The following CHST11 variants were observed in gnomAD, a reference collection of about 807,000 sequenced individuals.
CHST11 encodes carbohydrate sulfotransferase 11.
A neutral mutation model predicts 30.4 loss-of-function variants in CHST11; 9 were observed. The ratio of observed to expected loss-of-function variants is 0.30; its 90% CI spans 0.18 to 0.52. The LOEUF (loss-of-function observed/expected upper bound fraction) is 0.52, where lower values mean the gene tolerates loss of function less well. Among genes scored for constraint, CHST11 ranks in the 20% least tolerant of loss-of-function variants. The pLI is 0.97. For synonymous variants in CHST11, 152 were observed against 187.8 expected, an observed-to-expected ratio of 0.81 and a Z score of 1.56; for missense variants, 348 against 460.6, an observed-to-expected ratio of 0.76 and a Z score of 2.24.
At chr12:104,574,327 G>GA (rs1461070079) in intron 1 of CHST11, among the ~76,000 whole-genome samples, 1 of 152,076 alleles carries the variant, frequency 6.6e-6, no homozygotes, top group Non-Finnish European at 1.5e-5. Context: ...TCTAGAACTA[G>GA]AAATACCATT....
At chr12:104,512,795 C>T (rs2037978151) in intron 1 of CHST11, among the ~76,000 whole-genome samples, 1 of 151,982 alleles carries the variant, frequency 6.6e-6, no homozygotes. Flanking sequence ...CAAATACTAC[C>T]AATGTGATGG....
chr12:104,634,273 G>A (rs1186058806), intron 2 of CHST11, among the ~76,000 whole-genome samples: 1 of 152,144 alleles, frequency 6.6e-6, no homozygotes, highest in Non-Finnish European at 1.5e-5. Flanking sequence ...TAGGTTCCTG[G>A]GGAATGAAAG....
intron 2 of CHST11, among the ~76,000 whole-genome samples, chr12:104,699,493 G>T (rs1490510698): frequency 2.0e-5 from 3 of 152,176 alleles, no homozygotes; most frequent in African/African-American, 7.2e-5. Context: ...ATTTTAGATT[G>T]TAAGTGTGGC....
intron 2 of CHST11, among the ~76,000 whole-genome samples, chr12:104,747,953 A>G (rs1182536872): frequency 6.6e-6 from 1 of 152,240 alleles, no homozygotes; most frequent in African/African-American, 2.4e-5. Context: ...AATTTTAAAG[A>G]CTTTTTCAAA....
intron 1 of CHST11, among the ~76,000 whole-genome samples, chr12:104,470,673 C>G (rs2037500170): frequency 6.6e-6 from 1 of 152,218 alleles, no homozygotes; most frequent in South Asian, 2.1e-4. Flanking sequence ...TTTGGATTAT[C>G]CATCCTATTT....
chr12:104,457,965 CG>C (rs1286208819), intron 1 of CHST11, among the ~76,000 whole-genome samples: 1 of 151,858 alleles, frequency 6.6e-6, no homozygotes. Context: ...TACCCGGAGC[CG>C]GCTGCTCTGC....
intron 1 of CHST11, among the ~76,000 whole-genome samples, chr12:104,521,795 T>C (rs2038075824): frequency 6.6e-6 from 1 of 152,246 alleles, no homozygotes; most frequent in African/African-American, 2.4e-5. Flanking sequence ...TTGATTGAAA[T>C]GGGCCTCTTC....
intron 2 of CHST11, among the ~76,000 whole-genome samples, chr12:104,707,264 G>A (rs963273420): frequency 6.6e-6 from 1 of 152,228 alleles, no homozygotes; most frequent in Non-Finnish European, 1.5e-5. Context: ...TGCTAAATGG[G>A]TGGGTGAAAC....
At chr12:104,607,800 A>C (rs1265724087) in intron 2 of CHST11, among the ~76,000 whole-genome samples, 1 of 152,092 alleles carries the variant, frequency 6.6e-6, no homozygotes, top group African/African-American at 2.4e-5. Flanking sequence ...TTTCCAATCC[A>C]TCTGGTTTTT....
In CHST11 at chr12:104,755,982, G is replaced by A. The variant is rs924398878; in HGVS notation, c.205-967G>A. Among the ~76,000 whole-genome samples, 8 of 152,122 alleles carry A rather than the reference G, an allele frequency of 5.3e-5. No homozygotes were observed. In the East Asian group the frequency reaches 1.5e-3, roughly 29 times the overall value. ...GAAAAGTAGGTTGGCATTGGGCTAT[G>A]GAGAACCCCAAAAGGCCAGTGTATG... On this transcript the variant is annotated intron_variant, in intron 2 of 2. Coordinates refer to ENST00000303694, the MANE Select transcript of CHST11 (RefSeq NM_018413.6).
intron 2 of CHST11, among the ~76,000 whole-genome samples, chr12:104,696,482 CAAAAAAAAAAAA>C (rs10602668): frequency 1.4e-5 from 1 of 69,140 alleles, no homozygotes; most frequent in Non-Finnish European, 2.5e-5. Context: ...GCTAAAAATA[CAAAAAAAAAAAA>C]AAAAAAAAAA....
At chr12:104,738,729 T>C (rs1344754157) in intron 2 of CHST11, among the ~76,000 whole-genome samples, 1 of 152,250 alleles carries the variant, frequency 6.6e-6, no homozygotes, top group Non-Finnish European at 1.5e-5. Context: ...TAGTAGGTGC[T>C]AGATCTGGGA....
intron 1 of CHST11, among the ~76,000 whole-genome samples, chr12:104,498,356 A>G (rs1432822694): frequency 6.6e-6 from 1 of 152,142 alleles, no homozygotes; most frequent in Non-Finnish European, 1.5e-5. Context: ...AAGCTTCTCC[A>G]CTTCCCCAAG....
intron 1 of CHST11, among the ~76,000 whole-genome samples, chr12:104,532,128 C>T (rs1351701122): frequency 6.6e-6 from 1 of 152,224 alleles, no homozygotes; most frequent in Non-Finnish European, 1.5e-5. Flanking sequence ...CACACCCTGG[C>T]TTCCAGCCCC....
intron 2 of CHST11, among the ~76,000 whole-genome samples, chr12:104,634,046 G>T (rs1434709424): frequency 1.3e-5 from 2 of 152,164 alleles, no homozygotes; most frequent in Non-Finnish European, 2.9e-5. Context: ...TACTTACTAT[G>T]CCAGGCTGTT....
chr12:104,723,335 A>G (rs961776254), intron 2 of CHST11, among the ~76,000 whole-genome samples: 1 of 152,150 alleles, frequency 6.6e-6, no homozygotes, highest in African/African-American at 2.4e-5. Context: ...GTACACACAC[A>G]ACATAGTCAG....
intron 2 of CHST11, among the ~76,000 whole-genome samples, chr12:104,660,541 T>C (rs2039589754): frequency 6.6e-6 from 1 of 152,156 alleles, no homozygotes; most frequent in Non-Finnish European, 1.5e-5. Context: ...AGGAGGCCCG[T>C]GAAAGAGAAC....
chr12:104,568,367 C>G (rs2038589518), intron 1 of CHST11, among the ~76,000 whole-genome samples: 1 of 152,184 alleles, frequency 6.6e-6, no homozygotes, highest in Non-Finnish European at 1.5e-5. Flanking sequence ...CTCTGTCTGC[C>G]TCCTTAGCCC....
At chr12:104,750,661 C>T (rs2040423881) in intron 2 of CHST11, among the ~76,000 whole-genome samples, 1 of 151,496 alleles carries the variant, frequency 6.6e-6, no homozygotes, top group South Asian at 2.1e-4. Context: ...CCAGGCTGGT[C>T]TCGAACTCCT....
Sources: gnomAD v4.1 joint callset for allele counts (sites outside exome capture counted in the v4.1 genomes callset) on GRCh38, gnomAD v4.1.1 for gene constraint, MANE v1.5 for transcripts, NCBI Gene and HGNC (gene_info 2026-07-23, HGNC 2026-07-21) for gene names.